The following CARD19 variants were observed in gnomAD, a reference collection of about 807,000 sequenced individuals.
CARD19 encodes caspase recruitment domain-containing protein 19.
CARD19 carries 25 observed loss-of-function variants against 24.1 expected under a neutral mutation model. The observed-to-expected ratio is 1.04, with a 90% CI of 0.76 to 1.45. The LOEUF is 1.45. CARD19 is among the 40% of genes most tolerant of loss of function. The pLI is 0.00. For missense variants in CARD19, 241 were observed against 247.4 expected (o/e 0.97, Z 0.17); for synonymous variants, 103 against 104.9 (o/e 0.98, Z 0.11).
intron 3 of CARD19, chr9:93,111,605 G>T: frequency 7.6e-7 from 1 of 1,323,744 alleles, no homozygotes; most frequent in Non-Finnish European, 9.7e-7. Context: ...GCCACAGGGG[G>T]CTTTCAAAAC....
chr9:93,096,360 C>T lies in CARD19; in HGVS notation c.7+8C>T, dbSNP rs768637792. The stretch of plus-strand genomic sequence containing the variant: ...TGTCCGTCGCCATGACAGGTGGGCA[C>T]GGGGTCGGCTGGGCGGCAGGGATGC... On this transcript the variant is annotated splice_region_variant and intron_variant, in intron 1 of 5. Transcript: ENST00000375464. This position sits in a 1 kb window ranked among gnomAD's most constrained non-coding sequence, Gnocchi z 5.4. The T allele has an allele frequency of 5.7e-6, 7 of 1,225,746 alleles. No homozygotes were observed. The highest frequency in any genetic ancestry group is 6.1e-6 in the Non-Finnish European group (6 of 984,032). The allele number at this position is 1,225,746 out of a possible 1,614,324, so 75.9% of individuals were successfully genotyped here. A position where few individuals can be genotyped will look rare whatever the true frequency, so the allele number is the denominator to read the frequency against.
chr9:93,107,321 AC>A, intron 1 of CARD19, among the ~76,000 whole-genome samples: 1 of 152,324 alleles, frequency 6.6e-6, no homozygotes, highest in East Asian at 1.9e-4. Context: ...CACCTGTGCC[AC>A]CTGTACCTTC....
intron 4 of CARD19, 32 bp from the exon 5 acceptor site, chr9:93,112,186 G>T: frequency 6.5e-7 from 1 of 1,541,626 alleles, no homozygotes; most frequent in South Asian, 1.2e-5. Context: ...CTGAGGCCCA[G>T]GGGAGCCCTG....
intron 5 of CARD19, 97 bp from the exon 6 acceptor site, chr9:93,112,895 A>C: frequency 5.5e-4 from 409 of 741,152 alleles, no homozygotes; most frequent in Non-Finnish European, 8.4e-4. Flanking sequence ...ACCCTGTCCC[A>C]GTGCCTGTTC....
chr9:93,110,962 C>G, intron 3 of CARD19: 1 of 1,522,228 alleles, frequency 6.6e-7, no homozygotes. Context: ...CTTCCTCCGT[C>G]TCTCTCTCAT....
At chr9:93,111,225 T>C in intron 3 of CARD19, 1 of 1,177,154 alleles carries the variant, frequency 8.5e-7, no homozygotes, top group South Asian at 1.6e-5. Context: ...AGCACGTGCA[T>C]TTCAGTTTTG....
At chr9:93,111,621 A>G (rs1827489234) in intron 3 of CARD19, 2 of 1,338,088 alleles carry the variant, frequency 1.5e-6, no homozygotes, top group East Asian at 5.6e-5. Context: ...AAAACCAGGC[A>G]GGGCCAAGCC....
At chr9:93,105,970 G>A (rs1354730861) in intron 1 of CARD19, among the ~76,000 whole-genome samples, 1 of 152,030 alleles carries the variant, frequency 6.6e-6, no homozygotes, top group African/African-American at 2.4e-5. Context: ...GCCAGTGTTT[G>A]CTTCATATAT....
intron 3 of CARD19, chr9:93,111,107 G>T (rs775985836): frequency 7.9e-7 from 1 of 1,270,084 alleles, no homozygotes. Flanking sequence ...GCTCCTAGGC[G>T]GTCCCAGCTG....
At chr9:93,098,210 G>A (rs1429924900) in intron 1 of CARD19, among the ~76,000 whole-genome samples, 1 of 152,262 alleles carries the variant, frequency 6.6e-6, no homozygotes, top group African/African-American at 2.4e-5. Flanking sequence ...GGAGGTTGAT[G>A]CCCAAGTGTC....
chr9:93,098,046 G>A (rs1826946025), intron 1 of CARD19, among the ~76,000 whole-genome samples: 1 of 152,268 alleles, frequency 6.6e-6, no homozygotes, highest in Non-Finnish European at 1.5e-5. Context: ...CTCGCTGTGA[G>A]CAGCGCATGT....
intron 1 of CARD19, among the ~76,000 whole-genome samples, chr9:93,101,872 A>G (rs1266041180): frequency 2.6e-5 from 4 of 151,770 alleles, no homozygotes; most frequent in Non-Finnish European, 5.9e-5. Flanking sequence ...AACATTTGTT[A>G]TATTAATATA....
chr9:93,107,196 C>T (rs1004007667), intron 1 of CARD19, among the ~76,000 whole-genome samples: 2 of 152,120 alleles, frequency 1.3e-5, no homozygotes, highest in African/African-American at 2.4e-5. Flanking sequence ...TTCTTGATCT[C>T]GAACTCCTGA....
At position 93,112,252 on chromosome 9, in the gene CARD19, T is replaced by C; in HGVS notation, c.399T>C (p.Ala133=). ...GCTTCCTGGCTGGCCTGGGCCTTGC[T>C]GTGGGACTGGCCCTGCTCCTGTACT... ...PMSFLAGLGL[A]VGLALLLYCY... The change falls in exon 5 of 6, where the codon GCT becomes GCC. Residue 133 remains alanine, a synonymous_variant. Coordinates refer to ENST00000375464, the MANE Select transcript of CARD19 (RefSeq NM_032310.5). The C allele has an allele frequency of 6.5e-7, 1 of 1,545,130 alleles. No homozygotes were observed. Among genetic ancestry groups the C allele is most frequent in the Non-Finnish European group, 8.7e-7 (1 of 1,147,022 alleles).
chr9:93,107,680 C>T lies in CARD19; in HGVS notation c.14C>T (p.Thr5Ile), dbSNP rs1275303825. The T allele has an allele frequency of 1.2e-6, 2 of 1,614,220 alleles. No individual in the cohort carries two copies. The highest frequency in any genetic ancestry group is 1.7e-6 in the Non-Finnish European group (2 of 1,180,022). Reference protein sequence around the residue: MTDQTYCDRLVQDTP... With the variant: MTDQIYCDRLVQDTP... Reference sequence around the variant, plus strand: ...CCTGTGCTATCTGTTTTAGATCAGACCTATTGTGACCGCCTGGTGCAGGAC... The same window carrying T: ...CCTGTGCTATCTGTTTTAGATCAGATCTATTGTGACCGCCTGGTGCAGGAC... Residue 5 changes from threonine to isoleucine, a missense_variant, in exon 2 of 6, where the codon ACC becomes ATC. By Grantham distance (89) the Thr-to-Ile change is moderately conservative (BLOSUM62 -1). Coordinates refer to ENST00000375464, the MANE Select transcript of CARD19 (RefSeq NM_032310.5).
Position 93,096,402 on chromosome 9 carries a change from T to A in CARD19, c.7+50T>A. ...CAGGGATGCGGGCGCCCTGGATGGG[T>A]GGCCCGGCCCGGGGGTCCGGCTGCC... On this transcript the variant is annotated intron_variant, in intron 1 of 5. Transcript: ENST00000375464. This position sits in a 1 kb window ranked among gnomAD's most constrained non-coding sequence, Gnocchi z 5.4. 8.2e-7 allele frequency: 1 copy of A among 1,221,906 alleles called. No homozygotes were observed. Among genetic ancestry groups the A allele is most frequent in the Non-Finnish European group, 1.0e-6 (1 of 981,130 alleles). The allele number at this position is 1,221,906 out of a possible 1,614,324, so 75.7% of individuals were successfully genotyped here.
intron 3 of CARD19, chr9:93,111,009 C>T: frequency 6.8e-7 from 1 of 1,473,868 alleles, no homozygotes; most frequent in Non-Finnish European, 9.0e-7. Flanking sequence ...CTTATACGTC[C>T]ACTCTTGCCC....
chr9:93,111,477 A>AC, intron 3 of CARD19: 2 of 1,078,758 alleles, frequency 1.9e-6, no homozygotes, highest in East Asian at 7.1e-5. Flanking sequence ...GTGGTCTCTG[A>AC]CCCCCTGGAG....
At chr9:93,098,997 G>A (rs979154238) in intron 1 of CARD19, among the ~76,000 whole-genome samples, 14 of 151,290 alleles carry the variant, frequency 9.3e-5, no homozygotes, top group African/African-American at 3.2e-4. Flanking sequence ...TGCCTCCTGG[G>A]TTCAAGGAAT....
Sources: allele counts gnomAD v4.1 joint callset (sites outside exome capture counted in the v4.1 genomes callset), GRCh38; gene constraint gnomAD v4.1.1; non-coding constraint Gnocchi (gnomAD v3.1); transcripts MANE v1.5; gene names NCBI Gene and HGNC (gene_info 2026-07-23, HGNC 2026-07-21).